The following NUP210L variants were observed in gnomAD, a reference collection of about 807,000 sequenced individuals.
NUP210L encodes nuclear pore membrane glycoprotein 210-like.
NUP210L carries 74 observed loss-of-function variants against 208.5 expected under a neutral mutation model. The ratio of observed to expected loss-of-function variants is 0.35; its 90% CI spans 0.29 to 0.43. The LOEUF (loss-of-function observed/expected upper bound fraction) is 0.43, where lower values mean the gene tolerates loss of function less well. NUP210L is among the 20% of genes least tolerant of loss of function. The pLI is 1.00. For synonymous variants in NUP210L, 780 were observed against 816.9 expected (o/e 0.95, Z 0.77); for missense variants, 1,843 against 2,289.4 (o/e 0.81, Z 3.98).
chr1:154,106,179 C>T (rs530339824), intron 12 of NUP210L, among the ~76,000 whole-genome samples: 2 of 152,054 alleles, frequency 1.3e-5, no homozygotes, highest in South Asian at 2.1e-4. Flanking sequence ...GGGAATCGCT[C>T]GAACCCAGGA....
At chr1:154,076,902 A>G (rs1366235172) in intron 16 of NUP210L, among the ~76,000 whole-genome samples, 1 of 152,044 alleles carries the variant, frequency 6.6e-6, no homozygotes, top group East Asian at 1.9e-4. Flanking sequence ...AAGCAGAATA[A>G]ATTCAAAAAG....
chr1:154,104,863 C>A (rs1490008915), intron 12 of NUP210L, among the ~76,000 whole-genome samples: 4 of 151,958 alleles, frequency 2.6e-5, no homozygotes, highest in Non-Finnish European at 5.9e-5. Flanking sequence ...ACCTGGGATG[C>A]ATATGACCTA....
intron 12 of NUP210L, among the ~76,000 whole-genome samples, chr1:154,113,713 C>T (rs527863708): frequency 2.8e-3 from 431 of 151,788 alleles, no homozygotes; most frequent in Non-Finnish European, 4.9e-3. Context: ...CAAAAATTAG[C>T]CAGGCGTGGT....
At chr1:154,092,011 C>G (rs548764646) in intron 15 of NUP210L, among the ~76,000 whole-genome samples, 121 of 150,750 alleles carry the variant, frequency 8.0e-4, no homozygotes, top group African/African-American at 2.7e-3. Context: ...GCCAAAATTA[C>G]AGAGACAGAA....
intron 31 of NUP210L, 49 bp downstream of exon 31, chr1:154,023,073 A>G (rs755826522): frequency 6.7e-7 from 1 of 1,495,270 alleles, no homozygotes; most frequent in Non-Finnish European, 9.3e-7. Flanking sequence ...CTAGCCTAAT[A>G]TGCAAGATTT....
chr1:154,139,826 A>C (rs772421156), exon 5 of NUP210L: 1 of 1,612,756 alleles, frequency 6.2e-7, no homozygotes, highest in Non-Finnish European at 8.5e-7. Flanking sequence ...CATGAATTCG[A>C]ACTTTTACAA....
intron 27 of NUP210L, among the ~76,000 whole-genome samples, chr1:154,036,990 T>G (rs1652591986): frequency 6.6e-6 from 1 of 152,042 alleles, no homozygotes; most frequent in Non-Finnish European, 1.5e-5. Context: ...CTCAAACTAC[T>G]GAGCTCAAAC....
At chr1:154,104,330 T>C (rs769394963) in intron 12 of NUP210L, 120 bp from the exon 13 acceptor site, 11 of 736,332 alleles carry the variant, frequency 1.5e-5, no homozygotes, top group Non-Finnish European at 2.3e-5. Flanking sequence ...GAACACCAAA[T>C]TGAATGACTA....
intron 2 of NUP210L, among the ~76,000 whole-genome samples, chr1:154,146,904 G>C (rs144059078): frequency 6.6e-6 from 1 of 152,196 alleles, no homozygotes; most frequent in East Asian, 1.9e-4. Flanking sequence ...GCTCACTGCA[G>C]CCTCGAACTC....
At chr1:154,081,978 G>GC (rs1655356196) in intron 16 of NUP210L, among the ~76,000 whole-genome samples, 2 of 152,066 alleles carry the variant, frequency 1.3e-5, no homozygotes, top group South Asian at 4.1e-4. Flanking sequence ...GAGACCCTGT[G>GC]TCAAAAAACA....
intron 4 of NUP210L, among the ~76,000 whole-genome samples, chr1:154,140,621 C>T (rs148758146): frequency 2.9e-5 from 4 of 139,694 alleles, no homozygotes; most frequent in African/African-American, 5.3e-5. Flanking sequence ...GAGCCGAGAT[C>T]GTGTCACTGC....
intron 31 of NUP210L, among the ~76,000 whole-genome samples, 188 bp from the exon 32 acceptor site, chr1:154,022,531 CT>C (rs758870540): frequency 2.3e-3 from 333 of 143,860 alleles, no homozygotes; most frequent in Middle Eastern, 7.2e-3. Flanking sequence ...CCCAGGAAGG[CT>C]TTTTTTTTTT....
chr1:154,115,853 T>C (rs752656189), intron 12 of NUP210L, among the ~76,000 whole-genome samples: 1 of 151,822 alleles, frequency 6.6e-6, no homozygotes, highest in African/African-American at 2.4e-5. Context: ...GCGCAGTGGC[T>C]CATGCCTGTA....
exon 26 of NUP210L, chr1:154,046,292 G>A: frequency 6.2e-7 from 1 of 1,614,096 alleles, no homozygotes; most frequent in South Asian, 1.1e-5. Context: ...TACTGACCTT[G>A]GTAGCTGTGA....
chr1:154,089,315 C>T, intron 16 of NUP210L, 106 bp downstream of exon 16: 1 of 882,000 alleles, frequency 1.1e-6, no homozygotes, highest in Non-Finnish European at 1.8e-6. Flanking sequence ...ACCATATGAT[C>T]TGGCAATTCT....
chr1:154,092,373 C>T (rs1360719856), intron 15 of NUP210L, among the ~76,000 whole-genome samples: 1 of 148,400 alleles, frequency 6.7e-6, no homozygotes, highest in Non-Finnish European at 1.5e-5. Flanking sequence ...GCCACCGCGC[C>T]CGGCCTTTTT....
intron 17 of NUP210L, among the ~76,000 whole-genome samples, chr1:154,068,842 G>T (rs991182204): frequency 2.6e-5 from 4 of 152,068 alleles, no homozygotes; most frequent in Admixed American, 6.6e-5. Context: ...GGGGAAGGGG[G>T]GAGGGATAGC....
chr1:154,134,966 G>A (rs1658461382), intron 7 of NUP210L, among the ~76,000 whole-genome samples: 1 of 151,720 alleles, frequency 6.6e-6, no homozygotes, highest in Admixed American at 6.6e-5. Flanking sequence ...TCAAACTCCC[G>A]ACCTCAGGTG....
At chr1:154,134,306 C>CA (rs919805571) in intron 7 of NUP210L, among the ~76,000 whole-genome samples, 10 of 150,608 alleles carry the variant, frequency 6.6e-5, no homozygotes, top group East Asian at 1.9e-4. Flanking sequence ...TTAAAATATT[C>CA]AAAAAAAATA....
Sources: gnomAD v4.1 joint callset for allele counts (sites outside exome capture counted in the v4.1 genomes callset) on GRCh38, gnomAD v4.1.1 for gene constraint, MANE v1.5 for transcripts, NCBI Gene and HGNC (gene_info 2026-07-23, HGNC 2026-07-21) for gene names.